SLC35F3: variants seen among roughly 807,000 people sequenced by gnomAD.
SLC35F3 encodes the protein putative thiamine transporter SLC35F3.
Under a neutral mutation model 49.9 loss-of-function variants are expected in SLC35F3, and 25 were observed. That is an observed-to-expected ratio of 0.50 (90% CI 0.37 to 0.70). The LOEUF is 0.70. SLC35F3 is among the 30% of genes least tolerant of loss of function. The pLI, the probability that SLC35F3 is intolerant of heterozygous loss-of-function variation, is 0.00. For synonymous variants in SLC35F3, 275 were observed against 265.4 expected (o/e 1.04, Z -0.35); for missense variants, 525 against 639.8 (o/e 0.82, Z 1.94).
chr1:234,019,890 A>C (rs886734638), intron 2 of SLC35F3, among the ~76,000 whole-genome samples: 2 of 152,194 alleles, frequency 1.3e-5, no homozygotes, highest in African/African-American at 2.4e-5. Context: ...TTAACATTAC[A>C]AATGTGAAAT....
chr1:234,019,985 A>G (rs1245992338), intron 2 of SLC35F3, among the ~76,000 whole-genome samples: 1 of 152,208 alleles, frequency 6.6e-6, no homozygotes, highest in Non-Finnish European at 1.5e-5. Context: ...ATGTGGCCTG[A>G]TAACTGTTGA....
intron 2 of SLC35F3, among the ~76,000 whole-genome samples, chr1:234,022,152 T>G (rs1403768806): frequency 2.0e-5 from 3 of 152,200 alleles, no homozygotes; most frequent in Non-Finnish European, 2.9e-5. Context: ...TGATCACATG[T>G]CAGGAAGCAT....
At chr1:233,955,493 G>A (rs1043835339) in intron 2 of SLC35F3, among the ~76,000 whole-genome samples, 1 of 152,060 alleles carries the variant, frequency 6.6e-6, no homozygotes, top group Non-Finnish European at 1.5e-5. Context: ...TGGACACTTC[G>A]GTTGCTCCTA....
chr1:233,964,835 T>C (rs1157924615), intron 2 of SLC35F3, among the ~76,000 whole-genome samples: 1 of 152,190 alleles, frequency 6.6e-6, no homozygotes, highest in Non-Finnish European at 1.5e-5. Flanking sequence ...CCATTTCCCC[T>C]CTTGAGGACA....
At chr1:233,966,757 A>C (rs1662912156) in intron 2 of SLC35F3, among the ~76,000 whole-genome samples, 1 of 152,238 alleles carries the variant, frequency 6.6e-6, no homozygotes, top group African/African-American at 2.4e-5. Flanking sequence ...CTCACAAGCT[A>C]ATTCTGCAAA....
intron 2 of SLC35F3, among the ~76,000 whole-genome samples, chr1:233,986,979 T>C (rs968830136): frequency 3.3e-5 from 5 of 152,286 alleles, no homozygotes; most frequent in African/African-American, 1.2e-4. Flanking sequence ...AGCCAAAACC[T>C]TCATTAGCAG....
At chr1:234,253,729 A>C (rs1667774018) in intron 3 of SLC35F3, among the ~76,000 whole-genome samples, 1 of 152,236 alleles carries the variant, frequency 6.6e-6, no homozygotes, top group Non-Finnish European at 1.5e-5. Flanking sequence ...TTTTAAAAGC[A>C]TGTATAGAAA....
intron 2 of SLC35F3, among the ~76,000 whole-genome samples, chr1:234,154,653 A>C (rs539873766): frequency 3.9e-5 from 6 of 152,376 alleles, no homozygotes; most frequent in Middle Eastern, 3.4e-3. Flanking sequence ...AATAGTTATC[A>C]TAACTAAAAT....
In SLC35F3 at chr1:233,954,880, G is replaced by T. The variant is rs10797506; in HGVS notation, c.283+49122G>T. Reference sequence around the variant, plus strand: ...CTTTTTTGAGATGGAGTCTCACTCTGTTGCCCAGCCTGGAGTGCAATGGTG... The same window carrying T: ...CTTTTTTGAGATGGAGTCTCACTCTTTTGCCCAGCCTGGAGTGCAATGGTG... On this transcript the variant is annotated intron_variant, in intron 2 of 7. Transcript: ENST00000366618. 6.6e-5 allele frequency among the ~76,000 whole-genome samples: 10 copies of T among 152,076 alleles called. No homozygotes were observed. In the South Asian group the frequency reaches 1.9e-3, roughly 28 times the overall value.
In SLC35F3 at chr1:234,094,590, C is replaced by T. The variant is rs145859842; in HGVS notation, c.284-136827C>T. Among the ~76,000 whole-genome samples the T allele has an allele frequency of 3.5e-3, 540 of 152,320 alleles. 5 individuals are homozygous for T. Among genetic ancestry groups the T allele is most frequent in the African/African-American group, 0.012 (504 of 41,576 alleles). Reference sequence around the variant, plus strand: ...ATTGATGGGCCATTATTAGGTTGGACACTGTCTAACCATTAGTGGAACTAG... The same window carrying T: ...ATTGATGGGCCATTATTAGGTTGGATACTGTCTAACCATTAGTGGAACTAG... On this transcript the variant is annotated intron_variant, in intron 2 of 7. Coordinates refer to ENST00000366618, the MANE Select transcript of SLC35F3 (RefSeq NM_173508.4).
chr1:234,285,407 A>G (rs1572134936), intron 3 of SLC35F3: 1 of 461,362 alleles, frequency 2.2e-6, no homozygotes, highest in East Asian at 6.7e-5. Context: ...TAATCCTTGA[A>G]GAAAATGACG....
chr1:234,123,926 C>T (rs1283208142), intron 2 of SLC35F3, among the ~76,000 whole-genome samples: 2 of 152,180 alleles, frequency 1.3e-5, no homozygotes, highest in South Asian at 4.1e-4. Flanking sequence ...TTCATTTACT[C>T]GCCTTGGTGA....
chr1:234,108,512 T>A (rs57097846), intron 2 of SLC35F3, among the ~76,000 whole-genome samples: 15,374 of 102,110 alleles, frequency 0.15, 1,837 homozygotes, highest in East Asian at 0.72. Context: ...TATATATAAA[T>A]GATATATATT....
chr1:234,160,133 T>C (rs1302092234), intron 2 of SLC35F3, among the ~76,000 whole-genome samples: 1 of 152,256 alleles, frequency 6.6e-6, no homozygotes, highest in Non-Finnish European at 1.5e-5. Flanking sequence ...CCATATAGGC[T>C]AATGGCAATT....
chr1:234,185,094 G>A (rs1249865438), intron 2 of SLC35F3, among the ~76,000 whole-genome samples: 1 of 152,172 alleles, frequency 6.6e-6, no homozygotes, highest in Non-Finnish European at 1.5e-5. Context: ...TACATCGAGG[G>A]AGAGTAAAAG....
At chr1:234,173,507 C>G (rs546250437) in intron 2 of SLC35F3, among the ~76,000 whole-genome samples, 2 of 152,308 alleles carry the variant, frequency 1.3e-5, no homozygotes, top group South Asian at 4.1e-4. Flanking sequence ...CCTGCAATGC[C>G]ACACCCTTAT....
intron 3 of SLC35F3, among the ~76,000 whole-genome samples, chr1:234,232,247 T>G (rs1667390623): frequency 6.6e-6 from 1 of 152,046 alleles, no homozygotes; most frequent in African/African-American, 2.4e-5. Flanking sequence ...TCTCCCAGTG[T>G]GATGGTCAAA....
intron 2 of SLC35F3, among the ~76,000 whole-genome samples, chr1:233,947,332 T>A (rs1325944455): frequency 6.6e-6 from 1 of 151,160 alleles, no homozygotes; most frequent in East Asian, 1.9e-4. Flanking sequence ...CCTGAAACAG[T>A]AAGAGGGAGG....
At chr1:234,283,464 T>C (rs1277667197) in intron 3 of SLC35F3, among the ~76,000 whole-genome samples, 1 of 152,240 alleles carries the variant, frequency 6.6e-6, no homozygotes, top group African/African-American at 2.4e-5. Flanking sequence ...GTCCACCTGA[T>C]GCTTTGTTGA....
Sources: allele counts gnomAD v4.1 joint callset (sites outside exome capture counted in the v4.1 genomes callset), GRCh38; gene constraint gnomAD v4.1.1; transcripts MANE v1.5; gene names NCBI Gene and HGNC (gene_info 2026-07-23, HGNC 2026-07-21).